Variants in ITGB8 observed in about 807,000 individuals in gnomAD.
ITGB8 encodes integrin subunit beta 8.
ITGB8 carries 30 observed loss-of-function variants against 89.5 expected under a neutral mutation model. That is an observed-to-expected ratio of 0.34 (90% CI 0.25 to 0.45). The LOEUF (loss-of-function observed/expected upper bound fraction) is 0.45, where lower values mean the gene tolerates loss of function less well. Ranked by LOEUF, ITGB8 falls within the 20% of genes least tolerant of loss-of-function variation. ITGB8 has a pLI of 1.00. For missense variants in ITGB8, 836 were observed against 933.3 expected (o/e 0.90, Z 1.36); for synonymous variants, 335 against 320.4 (o/e 1.05, Z -0.49).
At chr7:20,337,674 G>A (rs1249684017) in intron 1 of ITGB8, among the ~76,000 whole-genome samples, 1 of 152,158 alleles carries the variant, frequency 6.6e-6, no homozygotes, top group Non-Finnish European at 1.5e-5. Context: ...TGTGGTTTGA[G>A]TCAGCATTCT....
intron 1 of ITGB8, among the ~76,000 whole-genome samples, chr7:20,335,429 G>A (rs1784542684): frequency 6.6e-6 from 1 of 152,182 alleles, no homozygotes; most frequent in African/African-American, 2.4e-5. Flanking sequence ...AACAACATGA[G>A]TAAATCTGCT....
intron 11 of ITGB8, 64 bp downstream of exon 11, chr7:20,404,917 C>A: frequency 1.5e-6 from 2 of 1,364,964 alleles, no homozygotes; most frequent in South Asian, 1.2e-5. Flanking sequence ...TTCGTTCTGA[C>A]TTCCTTAATC....
intron 3 of ITGB8, among the ~76,000 whole-genome samples, chr7:20,369,060 C>T (rs1348826918): frequency 1.3e-5 from 2 of 152,158 alleles, no homozygotes; most frequent in Non-Finnish European, 2.9e-5. Context: ...TCCCAGTTCA[C>T]ACCTGAATTT....
Position 20,398,862 on chromosome 7 carries a change from G to C in ITGB8, c.1149G>C (p.Lys383Asn). 6.3e-7 allele frequency: 1 copy of C among 1,576,682 alleles called. No individual in the cohort carries two copies. Among genetic ancestry groups the C allele is most frequent in the Non-Finnish European group, 8.6e-7 (1 of 1,163,426 alleles). The change falls in exon 9 of 14, where the codon AAG becomes AAC. Residue 383 changes from lysine (K) to asparagine (N), a missense_variant and splice_region_variant. Lys to Asn is a moderately conservative substitution (Grantham distance 94, BLOSUM62 0). Around this residue, in one of 5 missense-constraint regions of ITGB8, gnomAD observed 192 missense variants for 267.1 expected, o/e 0.72. Coordinates refer to ENST00000222573, the MANE Select transcript of ITGB8 (RefSeq NM_002214.3). ...ATTTAAAAATAATGTCTCTGCAGAA[G>C]CTCATTTCAGAAGTGAAAGTTCAGG... is the stretch of plus-strand genomic sequence containing the variant. Reference protein sequence around the residue: ...LNNLVVEAYQKLISEVKVQVE... With the variant: ...LNNLVVEAYQNLISEVKVQVE...
At chr7:20,389,445 G>A (rs1338717106) in intron 6 of ITGB8, among the ~76,000 whole-genome samples, 1 of 152,128 alleles carries the variant, frequency 6.6e-6, no homozygotes. Context: ...TGTACATTTG[G>A]TCAAAGTGAC....
At chr7:20,334,299 A>G (rs1300615058) in intron 1 of ITGB8, among the ~76,000 whole-genome samples, 2 of 152,204 alleles carry the variant, frequency 1.3e-5, no homozygotes, top group Non-Finnish European at 2.9e-5. Context: ...AACATAAAGT[A>G]TATCTAGTGG....
In ITGB8 at chr7:20,331,714, C is replaced by A; in HGVS notation, c.-93C>A. On this transcript the variant is annotated 5_prime_UTR_variant, in exon 1 of 14. Transcript: ENST00000222573. ...GCCTGCGGAAAACGTCCTAGCGACACTCGGCCCGCGGGCCCCGAGGTGCGC... is the reference window on the plus strand; with the variant it reads ...GCCTGCGGAAAACGTCCTAGCGACAATCGGCCCGCGGGCCCCGAGGTGCGC... 1 of 1,422,566 alleles carries A rather than the reference C, an allele frequency of 7.0e-7. No individual in the cohort carries two copies. Among genetic ancestry groups the A allele is most frequent in the South Asian group, 1.5e-5 (1 of 68,378 alleles). The allele number at this position is 1,422,566 out of a possible 1,614,324, so 88.1% of individuals were successfully genotyped here. A position where few individuals can be genotyped will look rare whatever the true frequency, so the allele number is the denominator to read the frequency against.
chr7:20,402,144 C>G lies in ITGB8; in HGVS notation c.1687+18C>G. The G allele has an allele frequency of 1.9e-6, 3 of 1,570,376 alleles. No homozygotes were observed. The highest frequency in any genetic ancestry group is 2.6e-6 in the Non-Finnish European group (3 of 1,159,118). ...GTGTGCTGGTGAGTATAAATATATA[C>G]AGGCAGCTTTTACTTGTCACTATTA... On this transcript the variant is annotated intron_variant, in intron 10 of 13. Coordinates refer to ENST00000222573, the MANE Select transcript of ITGB8 (RefSeq NM_002214.3).
intron 3 of ITGB8, among the ~76,000 whole-genome samples, chr7:20,369,051 C>T (rs1462120207): frequency 6.6e-6 from 1 of 152,138 alleles, no homozygotes; most frequent in African/African-American, 2.4e-5. Flanking sequence ...GAAAATACTT[C>T]CCAGTTCACA....
intron 3 of ITGB8, among the ~76,000 whole-genome samples, 194 bp from the exon 4 acceptor site, chr7:20,378,857 T>G (rs1336478995): frequency 6.6e-6 from 1 of 152,084 alleles, no homozygotes; most frequent in Non-Finnish European, 1.5e-5. Flanking sequence ...ATTGGTATGG[T>G]TTTCAAATTG....
intron 1 of ITGB8, among the ~76,000 whole-genome samples, chr7:20,349,247 A>C (rs959110517): frequency 2.6e-5 from 4 of 152,106 alleles, no homozygotes; most frequent in Non-Finnish European, 5.9e-5. Flanking sequence ...AGGATAGAAG[A>C]GGATTTACTT....
chr7:20,336,626 A>G (rs1452462312), intron 1 of ITGB8, among the ~76,000 whole-genome samples: 11 of 152,174 alleles, frequency 7.2e-5, no homozygotes, highest in Admixed American at 7.2e-4. Flanking sequence ...CATAATATGA[A>G]CTTCCTAATC....
At chr7:20,374,324 T>A (rs1240094108) in intron 3 of ITGB8, among the ~76,000 whole-genome samples, 1 of 152,220 alleles carries the variant, frequency 6.6e-6, no homozygotes, top group Non-Finnish European at 1.5e-5. Flanking sequence ...ACTATGTATG[T>A]GCCAACTACA....
chr7:20,361,488 G>A (rs1030497611), intron 1 of ITGB8, among the ~76,000 whole-genome samples: 2 of 152,188 alleles, frequency 1.3e-5, no homozygotes, highest in Non-Finnish European at 2.9e-5. Context: ...GTCCTTACAT[G>A]ATGGAAGCGC....
chr7:20,381,109 A>G, intron 5 of ITGB8: 1 of 277,874 alleles, frequency 3.6e-6, no homozygotes, highest in Non-Finnish European at 6.7e-6. Context: ...CATGCGCCAC[A>G]CTCCAAGGAG....
At chr7:20,351,162 A>C (rs1236610018) in intron 1 of ITGB8, among the ~76,000 whole-genome samples, 1 of 152,254 alleles carries the variant, frequency 6.6e-6, no homozygotes, top group Non-Finnish European at 1.5e-5. Flanking sequence ...TACTTGTATT[A>C]AAGAATTTTC....
intron 1 of ITGB8, among the ~76,000 whole-genome samples, chr7:20,348,485 C>T (rs1483670246): frequency 6.6e-6 from 1 of 152,182 alleles, no homozygotes; most frequent in East Asian, 1.9e-4. Flanking sequence ...ATTTATTCTG[C>T]TTCTCTTTGG....
intron 1 of ITGB8, among the ~76,000 whole-genome samples, chr7:20,348,094 AATATTAT>A (rs1209112014): frequency 1.3e-5 from 2 of 152,222 alleles, no homozygotes; most frequent in African/African-American, 2.4e-5. Flanking sequence ...GAAAAGAAGG[AATATTAT>A]TTAGATCTTC....
At chr7:20,404,314 T>C (rs1787442710) in intron 10 of ITGB8, among the ~76,000 whole-genome samples, 1 of 152,212 alleles carries the variant, frequency 6.6e-6, no homozygotes, top group Non-Finnish European at 1.5e-5. Context: ...AGTTTCTTGA[T>C]ATGTGTGTTT....
Sources: gnomAD v4.1 joint callset for allele counts (sites outside exome capture counted in the v4.1 genomes callset) on GRCh38, gnomAD v4.1.1 for gene constraint, gnomAD v4.1.1 regional missense constraint, MANE v1.5 for transcripts, NCBI Gene and HGNC (gene_info 2026-07-23, HGNC 2026-07-21) for gene names.